The following DNAJC11 variants were observed in gnomAD, a reference collection of about 807,000 sequenced individuals.
DNAJC11 encodes DnaJ heat shock protein family (Hsp40) member C11.
In DNAJC11, 15 loss-of-function variants were observed where a neutral mutation model predicts 78.6. The observed-to-expected ratio is 0.19, with a 90% CI of 0.13 to 0.29. DNAJC11 has a LOEUF of 0.29. Ranked by LOEUF, DNAJC11 falls within the 10% of genes least tolerant of loss-of-function variation. The probability of loss-of-function intolerance (pLI) is 1.00; values close to 1 mark genes in which losing one functional copy is unlikely to be tolerated. For synonymous variants in DNAJC11, 292 were observed against 272.1 expected, an observed-to-expected ratio of 1.07 and a Z score of -0.72; for missense variants, 547 against 709.6, an observed-to-expected ratio of 0.77 and a Z score of 2.60.
intron 3 of DNAJC11, among the ~76,000 whole-genome samples, chr1:6,674,737 A>T (rs1293095778): frequency 6.6e-6 from 1 of 152,040 alleles, no homozygotes; most frequent in Non-Finnish European, 1.5e-5. Flanking sequence ...CAAAAAAAAA[A>T]AAGTCTGAAA....
In DNAJC11 at chr1:6,635,088, A is replaced by G. The variant is rs551541634; in HGVS notation, c.*587T>C. 3.0e-3 allele frequency: 556 copies of G among 184,994 alleles called. 2 individuals are homozygous for G. The highest frequency in any genetic ancestry group is 5.0e-3 in the Non-Finnish European group (445 of 88,648). The allele number at this position is 184,994 out of a possible 1,614,324, so 11.5% of individuals were successfully genotyped here. A position where few individuals can be genotyped will look rare whatever the true frequency, so the allele number is the denominator to read the frequency against. On this transcript the variant is annotated 3_prime_UTR_variant, in exon 16 of 16. Coordinates refer to ENST00000377577, the MANE Select transcript of DNAJC11 (RefSeq NM_018198.4). ...CTTGAGCAGCTCTGGGAGTGGGGAAAAAAGACGACTAATTTCCAAACCCGT... is the reference window on the plus strand; with the variant it reads ...CTTGAGCAGCTCTGGGAGTGGGGAAGAAAGACGACTAATTTCCAAACCCGT...
At position 6,657,698 on chromosome 1, in the gene DNAJC11, G is replaced by A. The variant is rs538271701; in HGVS notation, c.379-3659C>T. Among the ~76,000 whole-genome samples, 7 of 152,354 alleles carry A rather than the reference G, an allele frequency of 4.6e-5. No homozygotes were observed. In the East Asian group the frequency reaches 7.7e-4, roughly 17 times the overall value. On this transcript the variant is annotated intron_variant, in intron 4 of 15. Coordinates refer to ENST00000377577, the MANE Select transcript of DNAJC11 (RefSeq NM_018198.4). ...CTTGCTCTGTCGCCTGGGCTGGAGTGCAGTGGCACGATCTCGGCTCGCTGC... is the reference window on the plus strand; with the variant it reads ...CTTGCTCTGTCGCCTGGGCTGGAGTACAGTGGCACGATCTCGGCTCGCTGC...
In DNAJC11 at chr1:6,691,137, T is replaced by C. The variant is rs187151390; in HGVS notation, c.73-10100A>G. 1.0e-3 allele frequency among the ~76,000 whole-genome samples: 125 copies of C among 120,378 alleles called. 1 individual carries two copies. The highest frequency in any genetic ancestry group is 3.6e-3 in the African/African-American group (115 of 32,082). The allele number at this position is 120,378 out of a possible 152,430, so 79.0% of individuals were successfully genotyped here. On this transcript the variant is annotated intron_variant, in intron 1 of 15. Coordinates refer to ENST00000377577, the MANE Select transcript of DNAJC11 (RefSeq NM_018198.4). ...ACACAATACCTCCAAGATGGCAATATAAATTTGAAAAAAAGATTACACAAT... is the reference window on the plus strand; with the variant it reads ...ACACAATACCTCCAAGATGGCAATACAAATTTGAAAAAAAGATTACACAAT...
rs1262320117 is a variant in DNAJC11, at chr1:6,640,067, A to C, written c.1098-10T>G. Reference sequence around the variant, plus strand: ...ACTGGCCCTGTTGAGCCTGGGGAAAAATACAAAAAAAAAAAAAAAAAAGCC... The same window carrying C: ...ACTGGCCCTGTTGAGCCTGGGGAAACATACAAAAAAAAAAAAAAAAAAGCC... On this transcript the variant is annotated splice_polypyrimidine_tract_variant and intron_variant, in intron 10 of 15. Transcript: ENST00000377577. 2 of 1,530,914 alleles carry C rather than the reference A, an allele frequency of 1.3e-6. No homozygotes were observed. The highest frequency in any genetic ancestry group is 1.3e-5 in the South Asian group (1 of 79,644). The allele number at this position is 1,530,914 out of a possible 1,614,324, so 94.8% of individuals were successfully genotyped here.
intron 1 of DNAJC11, among the ~76,000 whole-genome samples, chr1:6,694,423 G>T (rs1158366526): frequency 6.6e-6 from 1 of 152,052 alleles, no homozygotes; most frequent in Admixed American, 6.5e-5. Flanking sequence ...GGGGACCCCT[G>T]CCCTTGCTCA....
rs1641749823 is a variant in DNAJC11 at position 6,635,608 on chromosome 1, T to C, written c.*67A>G. On this transcript the variant is annotated 3_prime_UTR_variant, in exon 16 of 16. Transcript: ENST00000377577. ...AACATCTGATGTCTGGGTTTTTTCA[T>C]TTCCAAATTTGTAGACTCCCAGGAA... 1 of 1,559,370 alleles carries C rather than the reference T, an allele frequency of 6.4e-7. No individual in the cohort carries two copies. Among genetic ancestry groups the C allele is most frequent in the Non-Finnish European group, 8.8e-7 (1 of 1,139,138 alleles).
chr1:6,665,314 C>A (rs1642278471), intron 4 of DNAJC11, among the ~76,000 whole-genome samples: 1 of 152,226 alleles, frequency 6.6e-6, no homozygotes, highest in Non-Finnish European at 1.5e-5. Context: ...AGCAATCCTC[C>A]TGCCTTGGCC....
At chr1:6,654,761 ATG>A (rs536768100) in intron 4 of DNAJC11, among the ~76,000 whole-genome samples, 235 of 150,068 alleles carry the variant, frequency 1.6e-3, no homozygotes, top group African/African-American at 5.5e-3. Flanking sequence ...CATTGAAACA[ATG>A]TTTTTTTGCT....
At chr1:6,667,871 CA>C (rs1302150599) in intron 3 of DNAJC11, 61 bp from the exon 4 acceptor site, 5 of 1,480,836 alleles carry the variant, frequency 3.4e-6, no homozygotes, top group Non-Finnish European at 4.7e-6. Flanking sequence ...GAAACGTACA[CA>C]AAGAGCTGCA....
intron 1 of DNAJC11, among the ~76,000 whole-genome samples, chr1:6,701,123 C>G (rs1642919450): frequency 6.6e-6 from 1 of 152,160 alleles, no homozygotes; most frequent in South Asian, 2.1e-4. Context: ...GCCTCCGAGC[C>G]GAGGGTCTGT....
intron 4 of DNAJC11, among the ~76,000 whole-genome samples, chr1:6,665,576 G>C (rs1642281524): frequency 6.6e-6 from 1 of 152,222 alleles, no homozygotes; most frequent in Non-Finnish European, 1.5e-5. Flanking sequence ...TTTTATGGAA[G>C]TAGCAAAGTA....
chr1:6,676,720 G>T (rs759522321), intron 3 of DNAJC11, among the ~76,000 whole-genome samples: 2 of 151,924 alleles, frequency 1.3e-5, no homozygotes, highest in Non-Finnish European at 2.9e-5. Context: ...GGCTATTAGT[G>T]GAATATGGCC....
chr1:6,672,380 G>C (rs1432278125), intron 3 of DNAJC11, among the ~76,000 whole-genome samples: 1 of 152,128 alleles, frequency 6.6e-6, no homozygotes, highest in Admixed American at 6.5e-5. Flanking sequence ...CTTCACAAAG[G>C]CTGCAGCAGG....
chr1:6,691,300 T>C (rs559443048), intron 1 of DNAJC11, among the ~76,000 whole-genome samples: 1 of 151,364 alleles, frequency 6.6e-6, no homozygotes, highest in Admixed American at 6.6e-5. Flanking sequence ...CAAGAACAAA[T>C]GGGCCCAAGG....
chr1:6,650,198 G>A (rs1019677920), intron 7 of DNAJC11, among the ~76,000 whole-genome samples: 13 of 152,026 alleles, frequency 8.6e-5, no homozygotes, highest in African/African-American at 2.9e-4. Context: ...GGGAGGTTGA[G>A]GGTGCAGTGA....
intron 3 of DNAJC11, among the ~76,000 whole-genome samples, chr1:6,673,135 G>A (rs1642406745): frequency 7.1e-6 from 1 of 141,206 alleles, no homozygotes; most frequent in Admixed American, 8.0e-5. Flanking sequence ...GGCAGAGGTT[G>A]CCGTGAACGG....
chr1:6,698,518 G>A (rs1642875570), intron 1 of DNAJC11, among the ~76,000 whole-genome samples: 1 of 151,874 alleles, frequency 6.6e-6, no homozygotes, highest in South Asian at 2.1e-4. Context: ...CGAGTTTGCT[G>A]ACGAAGACAA....
At chr1:6,693,966 G>A (rs1484102753) in intron 1 of DNAJC11, among the ~76,000 whole-genome samples, 1 of 151,312 alleles carries the variant, frequency 6.6e-6, no homozygotes, top group Non-Finnish European at 1.5e-5. Flanking sequence ...CTTATGAGTA[G>A]CTGGGATTAC....
chr1:6,666,788 T>C (rs1264183209), intron 4 of DNAJC11, among the ~76,000 whole-genome samples: 1 of 152,206 alleles, frequency 6.6e-6, no homozygotes, highest in Non-Finnish European at 1.5e-5. Context: ...ACAACGTTGA[T>C]GATTTGACAC....
Sources: allele counts gnomAD v4.1 joint callset (sites outside exome capture counted in the v4.1 genomes callset), GRCh38; gene constraint gnomAD v4.1.1; transcripts MANE v1.5; gene names NCBI Gene and HGNC (gene_info 2026-07-23, HGNC 2026-07-21).